The following TAFA1 variants were observed in gnomAD, a reference collection of about 807,000 sequenced individuals.
The protein encoded by TAFA1 is TAFA chemokine like family member 1.
In TAFA1, 4 loss-of-function variants were observed where a neutral mutation model predicts 18.5. The ratio of observed to expected loss-of-function variants is 0.22; its 90% CI spans 0.11 to 0.49. TAFA1 has a LOEUF of 0.49. TAFA1 is among the 20% of genes least tolerant of loss of function. The pLI is 0.98. For synonymous variants in TAFA1, 56 were observed against 55.2 expected (o/e 1.01, Z -0.06); for missense variants, 147 against 169.0 (o/e 0.87, Z 0.72).
At chr3:68,363,944 G>A (rs775643199) in intron 2 of TAFA1, among the ~76,000 whole-genome samples, 1 of 152,068 alleles carries the variant, frequency 6.6e-6, no homozygotes, top group East Asian at 1.9e-4. Flanking sequence ...TCTCTGTCTT[G>A]TTCAACATGC....
At chr3:68,431,104 C>G (rs2071160256) in intron 3 of TAFA1, among the ~76,000 whole-genome samples, 1 of 151,874 alleles carries the variant, frequency 6.6e-6, no homozygotes, top group Non-Finnish European at 1.5e-5. Context: ...CCTACAAAAG[C>G]CTCTATAACA....
intron 2 of TAFA1, among the ~76,000 whole-genome samples, chr3:68,067,264 C>T (rs892605258): frequency 2.6e-5 from 4 of 152,168 alleles, no homozygotes; most frequent in Non-Finnish European, 5.9e-5. Context: ...TTAATTGTCC[C>T]AGAGCATTTT....
At chr3:68,327,318 G>A (rs528614449) in intron 2 of TAFA1, among the ~76,000 whole-genome samples, 39 of 152,150 alleles carry the variant, frequency 2.6e-4, no homozygotes, top group African/African-American at 7.5e-4. Flanking sequence ...GATATTAACC[G>A]GGAGACTATT....
intron 2 of TAFA1, among the ~76,000 whole-genome samples, chr3:68,285,108 T>C (rs972579425): frequency 3.3e-5 from 5 of 152,098 alleles, no homozygotes; most frequent in Non-Finnish European, 7.4e-5. Context: ...ACAAACAAAT[T>C]GCAAATGCAT....
At chr3:68,191,508 C>A (rs1257228435) in intron 2 of TAFA1, among the ~76,000 whole-genome samples, 5 of 151,766 alleles carry the variant, frequency 3.3e-5, no homozygotes, top group Non-Finnish European at 4.4e-5. Context: ...TTTTGTCTTT[C>A]TTAATGTCTC....
Position 68,135,918 on chromosome 3 carries a change from C to T in TAFA1, c.118+129174C>T, listed in dbSNP as rs78908196. ...TAAATGTATTTCTTTTCATTAAAAC[C>T]GGGGAAATTTTGCTGAAGTCTAATG... On this transcript the variant is annotated intron_variant, in intron 2 of 4. Coordinates refer to ENST00000478136, the MANE Select transcript of TAFA1 (RefSeq NM_213609.4). 2.9e-3 allele frequency among the ~76,000 whole-genome samples: 434 copies of T among 152,032 alleles called. 2 individuals are homozygous for T. Among genetic ancestry groups the T allele is most frequent in the African/African-American group, 9.1e-3 (377 of 41,460 alleles).
At chr3:68,453,723 C>A (rs1018688646) in intron 3 of TAFA1, among the ~76,000 whole-genome samples, 25 of 152,218 alleles carry the variant, frequency 1.6e-4, no homozygotes, top group African/African-American at 6.0e-4. Flanking sequence ...TTTTGAGGAA[C>A]TATTTGTCAG....
intron 2 of TAFA1, among the ~76,000 whole-genome samples, chr3:68,056,823 T>C (rs886100712): frequency 2.0e-5 from 3 of 152,156 alleles, no homozygotes; most frequent in Non-Finnish European, 4.4e-5. Context: ...AAGCAAATTC[T>C]GGCTTAAGTA....
intron 2 of TAFA1, among the ~76,000 whole-genome samples, chr3:68,015,802 T>C (rs938538528): frequency 6.6e-6 from 1 of 152,190 alleles, no homozygotes; most frequent in Non-Finnish European, 1.5e-5. Flanking sequence ...ATCATATATA[T>C]TCATTTTGTC....
At chr3:68,159,007 A>G (rs772181546) in intron 2 of TAFA1, among the ~76,000 whole-genome samples, 7 of 152,162 alleles carry the variant, frequency 4.6e-5, no homozygotes, top group South Asian at 2.1e-4. Flanking sequence ...TCAATCTGCA[A>G]TTACTGAATG....
chr3:68,531,364 G>T (rs961101610), intron 3 of TAFA1, among the ~76,000 whole-genome samples: 12 of 149,796 alleles, frequency 8.0e-5, no homozygotes, highest in Non-Finnish European at 1.8e-4. Flanking sequence ...ATGAAAGCAA[G>T]TAAAGCACAC....
chr3:68,534,547 A>G (rs2073242364), intron 3 of TAFA1, among the ~76,000 whole-genome samples: 1 of 152,218 alleles, frequency 6.6e-6, no homozygotes, highest in East Asian at 1.9e-4. Flanking sequence ...ATTGGATTCT[A>G]GTAAGCCAAA....
chr3:68,270,840 C>G (rs144408417), intron 2 of TAFA1, among the ~76,000 whole-genome samples: 35 of 152,216 alleles, frequency 2.3e-4, no homozygotes, highest in African/African-American at 7.7e-4. Context: ...ATTAATGAAG[C>G]ACCTGGGGGG....
intron 2 of TAFA1, among the ~76,000 whole-genome samples, chr3:68,369,917 T>C (rs2069646193): frequency 6.6e-6 from 1 of 152,058 alleles, no homozygotes. Flanking sequence ...GGACCACCCA[T>C]GTGCTTTTAA....
At chr3:68,292,919 T>A (rs980024463) in intron 2 of TAFA1, among the ~76,000 whole-genome samples, 4 of 152,214 alleles carry the variant, frequency 2.6e-5, no homozygotes, top group Admixed American at 1.3e-4. Flanking sequence ...TTCCTTATTC[T>A]TATCCACAGG....
chr3:68,311,694 C>G (rs1401067826), intron 2 of TAFA1, among the ~76,000 whole-genome samples: 2 of 152,236 alleles, frequency 1.3e-5, no homozygotes, highest in Non-Finnish European at 2.9e-5. Context: ...TCACAGAATA[C>G]AGCCTCCCTT....
intron 2 of TAFA1, among the ~76,000 whole-genome samples, chr3:68,023,199 T>C (rs1198537034): frequency 6.6e-6 from 1 of 152,090 alleles, no homozygotes; most frequent in Non-Finnish European, 1.5e-5. Flanking sequence ...TGTCAGGATA[T>C]GCTAGGTGAT....
At chr3:68,524,710 G>T (rs1054768710) in intron 3 of TAFA1, among the ~76,000 whole-genome samples, 1 of 151,140 alleles carries the variant, frequency 6.6e-6, no homozygotes, top group Non-Finnish European at 1.5e-5. Flanking sequence ...TCCCTCTGTC[G>T]CCCAGGCTGG....
intron 2 of TAFA1, among the ~76,000 whole-genome samples, chr3:68,089,105 C>A (rs958515075): frequency 1.6e-4 from 24 of 152,044 alleles, no homozygotes; most frequent in Admixed American, 1.2e-3. Context: ...ATGCTTGAGG[C>A]ACCTATTAGA....
Sources: gnomAD v4.1 joint callset for allele counts (sites outside exome capture counted in the v4.1 genomes callset) on GRCh38, gnomAD v4.1.1 for gene constraint, MANE v1.5 for transcripts, NCBI Gene and HGNC (gene_info 2026-07-23, HGNC 2026-07-21) for gene names.